The following ARMC2 variants were observed in gnomAD, a reference collection of about 807,000 sequenced individuals.
ARMC2 encodes the protein armadillo repeat-containing protein 2.
A neutral mutation model predicts 90.3 loss-of-function variants in ARMC2; 67 were observed. The observed-to-expected ratio is 0.74, with a 90% confidence interval of 0.61 to 0.91. ARMC2 has a LOEUF of 0.91. Among genes scored for constraint, ARMC2 ranks in the 40% least tolerant of loss-of-function variants. ARMC2 has a pLI of 0.00. For synonymous variants in ARMC2, 393 were observed against 393.0 expected (o/e 1.00, Z 0.00); for missense variants, 920 against 1,030.9 (o/e 0.89, Z 1.47).
Position 108,904,405 on chromosome 6 carries a change from A to G in ARMC2, c.1023A>G (p.Ala341=). 1.3e-6 allele frequency: 2 copies of G among 1,599,966 alleles called. No homozygotes were observed. The highest frequency in any genetic ancestry group is 1.4e-5 in the African/African-American group (1 of 74,066). Residue 341 remains alanine (A), a splice_region_variant and synonymous_variant, in exon 8 of 18, where the codon GCA becomes GCG. Coordinates refer to ENST00000392644, the MANE Select transcript of ARMC2 (RefSeq NM_032131.6). ...TTAAACTTGCAAAAATAATTCTAGC[A>G]GTAAGTTTTTCTTTCCTCTGGTCTA... ...LSLKLAKIIL[A]LKVSRKNLLN... is the part of the protein sequence containing the mutation.
the ARMC2 span, among the ~76,000 whole-genome samples, chr6:109,052,517 G>C: frequency 6.6e-6 from 1 of 152,052 alleles, no homozygotes; most frequent in Non-Finnish European, 1.5e-5. Context: ...ACTTAAAATA[G>C]TTTATCTAGA....
At chr6:108,878,138 A>G (rs1364590369) in intron 5 of ARMC2, among the ~76,000 whole-genome samples, 1 of 152,204 alleles carries the variant, frequency 6.6e-6, no homozygotes, top group Non-Finnish European at 1.5e-5. Flanking sequence ...ACTCTTAGCA[A>G]TTCTTTCATT....
At chr6:109,037,358 A>T in the ARMC2 span, among the ~76,000 whole-genome samples, 2 of 152,226 alleles carry the variant, frequency 1.3e-5, no homozygotes, top group Admixed American at 6.5e-5. Context: ...CCTAGGAAAC[A>T]TTATTAGGCC....
chr6:108,975,077 T>TC (rs1778958704), downstream of ARMC2, among the ~76,000 whole-genome samples: 1 of 152,016 alleles, frequency 6.6e-6, no homozygotes, highest in Non-Finnish European at 1.5e-5. Context: ...TACATGGGTA[T>TC]ACATGTGCCG....
intron 12 of ARMC2, among the ~76,000 whole-genome samples, chr6:108,942,996 G>T (rs939269370): frequency 3.3e-5 from 5 of 152,208 alleles, no homozygotes; most frequent in African/African-American, 1.2e-4. Flanking sequence ...AGCGGATGGG[G>T]AGCTTCACAG....
chr6:108,994,698 CTTT>C, the ARMC2 span: 5,042 of 289,524 alleles, frequency 0.017, no homozygotes, highest in South Asian at 0.026. Flanking sequence ...GAATTTATAT[CTTT>C]TTTTTTTTTT....
At chr6:108,995,145 A>G in the ARMC2 span, among the ~76,000 whole-genome samples, 1 of 152,248 alleles carries the variant, frequency 6.6e-6, no homozygotes. Context: ...TTAAGAACAC[A>G]TTCTAATGCT....
chr6:108,903,201 T>TA (rs1406279891), intron 7 of ARMC2, among the ~76,000 whole-genome samples: 8 of 152,208 alleles, frequency 5.3e-5, no homozygotes, highest in Admixed American at 4.6e-4. Context: ...CTCACAAACA[T>TA]AATTATAAGA....
At chr6:108,874,283 G>C (rs142388599) in intron 4 of ARMC2, among the ~76,000 whole-genome samples, 2 of 152,288 alleles carry the variant, frequency 1.3e-5, no homozygotes, top group Non-Finnish European at 2.9e-5. Context: ...AGGTATGGTT[G>C]GGTTTCCCTT....
At chr6:109,032,132 C>A in the ARMC2 span, among the ~76,000 whole-genome samples, 1 of 152,038 alleles carries the variant, frequency 6.6e-6, no homozygotes, top group Non-Finnish European at 1.5e-5. Flanking sequence ...ATTAGCCAGG[C>A]GTGGTGGTTC....
chr6:108,861,659 A>G lies in ARMC2; in HGVS notation c.291+3388A>G, dbSNP rs181664740. Among the ~76,000 whole-genome samples, 11 of 152,340 alleles carry G rather than the reference A, an allele frequency of 7.2e-5. No homozygotes were observed. In the East Asian group the frequency reaches 1.5e-3, roughly 21 times the overall value. ...TATTGCAAGAAATAATTTGCCAGCT[A>G]TTGTTGACACATGGCTTGTTAACGT... On this transcript the variant is annotated intron_variant, in intron 3 of 17. Transcript: ENST00000392644.
At chr6:109,000,727 T>G in the ARMC2 span, 1 of 1,309,696 alleles carries the variant, frequency 7.6e-7, no homozygotes, top group Admixed American at 2.9e-5. Context: ...GAACTACATA[T>G]CCTTTTTATT....
At chr6:109,006,491 C>T in the ARMC2 span, among the ~76,000 whole-genome samples, 22 of 148,028 alleles carry the variant, frequency 1.5e-4, no homozygotes, top group African/African-American at 5.5e-4. Flanking sequence ...ATGTTCCCCA[C>T]CCTGTGTCCA....
downstream of ARMC2, chr6:108,974,572 A>G (rs564154978): frequency 6.6e-6 from 1 of 152,244 alleles, no homozygotes; most frequent in East Asian, 1.9e-4. Context: ...TCAGTACTTT[A>G]GAAGGCGGAG....
chr6:109,052,272 T>C, the ARMC2 span, among the ~76,000 whole-genome samples: 1 of 152,230 alleles, frequency 6.6e-6, no homozygotes, highest in Non-Finnish European at 1.5e-5. Flanking sequence ...TTTCCCTCTA[T>C]AAATTCCAGA....
At chr6:109,032,448 C>T in the ARMC2 span, among the ~76,000 whole-genome samples, 4 of 152,002 alleles carry the variant, frequency 2.6e-5, no homozygotes, top group African/African-American at 9.7e-5. Context: ...GAAACCCTGT[C>T]TCTACTAAAA....
At chr6:108,952,230 C>G (rs769457864) in intron 12 of ARMC2, among the ~76,000 whole-genome samples, 10 of 152,196 alleles carry the variant, frequency 6.6e-5, no homozygotes, top group Non-Finnish European at 1.2e-4. Context: ...TGTTGTCAAA[C>G]TAAAAACACA....
chr6:108,927,061 G>C (rs1423171099), intron 10 of ARMC2, among the ~76,000 whole-genome samples: 1 of 151,984 alleles, frequency 6.6e-6, no homozygotes, highest in East Asian at 1.9e-4. Flanking sequence ...TACTATGGCT[G>C]TAAGGATGCT....
At chr6:109,038,866 GGAA>G in the ARMC2 span, among the ~76,000 whole-genome samples, 1 of 151,032 alleles carries the variant, frequency 6.6e-6, no homozygotes, top group South Asian at 2.1e-4. Flanking sequence ...AAGAGGAGGA[GGAA>G]GAAGAAATGA....
Sources: gnomAD v4.1 joint callset for allele counts (sites outside exome capture counted in the v4.1 genomes callset) on GRCh38, gnomAD v4.1.1 for gene constraint, MANE v1.5 for transcripts, NCBI Gene and HGNC (gene_info 2026-07-23, HGNC 2026-07-21) for gene names.